EPB41L4A: variants seen among roughly 807,000 people sequenced by gnomAD.
The protein encoded by EPB41L4A is erythrocyte membrane protein band 4.1 like 4A.
Under a neutral mutation model 108.6 loss-of-function variants are expected in EPB41L4A, and 100 were observed. That is an observed-to-expected ratio of 0.92 (90% CI 0.78 to 1.09). The LOEUF (loss-of-function observed/expected upper bound fraction) is 1.09. Ranked by LOEUF, EPB41L4A falls within the 50% of genes least tolerant of loss-of-function variation. The pLI, the probability that EPB41L4A is intolerant of heterozygous loss-of-function variation, is 0.00. For missense variants in EPB41L4A, 1,030 were observed against 842.7 expected (o/e 1.22, Z -2.75); for synonymous variants, 319 against 289.0 (o/e 1.10, Z -1.05).
At chr5:112,314,652 CA>C (rs1234988467) in intron 1 of EPB41L4A, among the ~76,000 whole-genome samples, 4 of 149,040 alleles carry the variant, frequency 2.7e-5, no homozygotes, top group Admixed American at 6.7e-5. Flanking sequence ...ATTAAAAATA[CA>C]AAAACTTAGC....
intron 1 of EPB41L4A, among the ~76,000 whole-genome samples, chr5:112,414,294 G>A (rs1366604200): frequency 5.3e-5 from 8 of 152,108 alleles, no homozygotes; most frequent in Admixed American, 1.3e-4. Flanking sequence ...AAAATAGAAG[G>A]CATCTAAAAG....
chr5:112,386,095 C>T (rs979890357), intron 1 of EPB41L4A, among the ~76,000 whole-genome samples: 7 of 152,200 alleles, frequency 4.6e-5, no homozygotes, highest in African/African-American at 1.7e-4. Flanking sequence ...TGAAGTGATG[C>T]ACTGCATCCT....
chr5:112,186,164 G>T (rs1761418064), intron 17 of EPB41L4A, among the ~76,000 whole-genome samples: 1 of 152,172 alleles, frequency 6.6e-6, no homozygotes, highest in Non-Finnish European at 1.5e-5. Context: ...TCCAGTTGAT[G>T]GGCAGAACGA....
At chr5:112,398,217 T>A (rs1307804813) in intron 1 of EPB41L4A, among the ~76,000 whole-genome samples, 2 of 152,140 alleles carry the variant, frequency 1.3e-5, no homozygotes, top group African/African-American at 4.8e-5. Flanking sequence ...TAAAAAAAAA[T>A]CTTTTTCCAA....
At chr5:112,219,072 CTTTG>C (rs1747855204) in intron 12 of EPB41L4A, among the ~76,000 whole-genome samples, 1 of 152,062 alleles carries the variant, frequency 6.6e-6, no homozygotes. Flanking sequence ...TCTTTTTTCT[CTTTG>C]TGTTTGCATT....
chr5:112,346,788 T>A (rs1693790002), intron 1 of EPB41L4A, among the ~76,000 whole-genome samples: 1 of 152,190 alleles, frequency 6.6e-6, no homozygotes, highest in South Asian at 2.1e-4. Context: ...AGAATTTGCA[T>A]TTCATTATTT....
intron 4 of EPB41L4A, 152 bp downstream of exon 4, chr5:112,275,174 A>G (rs1752538673): frequency 3.2e-6 from 3 of 931,210 alleles, no homozygotes; most frequent in Non-Finnish European, 3.1e-6. Flanking sequence ...ACTTCATGCA[A>G]TGCTAGTTTA....
chr5:112,352,480 A>G (rs1308262537), intron 1 of EPB41L4A, among the ~76,000 whole-genome samples: 3 of 152,184 alleles, frequency 2.0e-5, no homozygotes, highest in African/African-American at 7.2e-5. Context: ...ATATGATATA[A>G]TTGCATTTTT....
intron 1 of EPB41L4A, among the ~76,000 whole-genome samples, chr5:112,326,936 T>C (rs963046407): frequency 1.1e-4 from 16 of 152,156 alleles, no homozygotes; most frequent in African/African-American, 3.9e-4. Flanking sequence ...ACTGATCACC[T>C]ACCAATCACA....
intron 1 of EPB41L4A, among the ~76,000 whole-genome samples, chr5:112,330,693 T>A (rs1756505476): frequency 1.3e-5 from 2 of 152,178 alleles, no homozygotes; most frequent in Admixed American, 1.3e-4. Context: ...GGAACCCATG[T>A]TTGCAACTGT....
chr5:112,196,783 T>A (rs1761984585), intron 15 of EPB41L4A: 1 of 152,264 alleles, frequency 6.6e-6, no homozygotes, highest in South Asian at 2.1e-4. Context: ...TCCATGTTCA[T>A]TAACTTCAAG....
chr5:112,270,133 A>G (rs565339466), intron 4 of EPB41L4A, among the ~76,000 whole-genome samples: 1 of 152,318 alleles, frequency 6.6e-6, no homozygotes, highest in East Asian at 1.9e-4. Context: ...GGGCAGAGAG[A>G]CAGAAGCTCA....
intron 14 of EPB41L4A, 27 bp downstream of exon 14, chr5:112,205,394 C>T (rs1424786858): frequency 6.3e-7 from 1 of 1,589,802 alleles, no homozygotes; most frequent in African/African-American, 1.3e-5. Flanking sequence ...CTACTGTCTC[C>T]TTTATAAAAA....
At chr5:112,231,645 C>T (rs1275713891) in intron 12 of EPB41L4A, among the ~76,000 whole-genome samples, 3 of 150,986 alleles carry the variant, frequency 2.0e-5, no homozygotes, top group Non-Finnish European at 3.0e-5. Context: ...AGTAGCCGGG[C>T]GCGGTGGCGG....
intron 9 of EPB41L4A, among the ~76,000 whole-genome samples, chr5:112,258,464 A>G (rs557716664): frequency 6.6e-6 from 1 of 152,332 alleles, no homozygotes; most frequent in African/African-American, 2.4e-5. Context: ...AGATTCTCCT[A>G]TATCGTGTTT....
intron 9 of EPB41L4A, among the ~76,000 whole-genome samples, chr5:112,255,434 G>A (rs1751013455): frequency 6.6e-6 from 1 of 152,128 alleles, no homozygotes; most frequent in African/African-American, 2.4e-5. Flanking sequence ...ACTTAACAGG[G>A]GAACTGCTGG....
At position 112,352,134 on chromosome 5, in the gene EPB41L4A, C is replaced by T. The variant is rs185062741; in HGVS notation, c.100-44644G>A. Among the ~76,000 whole-genome samples, 488 of 152,234 alleles carry T rather than the reference C, an allele frequency of 3.2e-3. 2 individuals are homozygous for T. The highest frequency in any genetic ancestry group is 0.011 in the African/African-American group (464 of 41,564). On this transcript the variant is annotated intron_variant, in intron 1 of 22. Coordinates refer to ENST00000261486, the MANE Select transcript of EPB41L4A (RefSeq NM_022140.5). ...TATTTTCTAGTCTCAATTTCATTTA[C>T]TTCTGCTCTGATCTTTCTTTCCTTC...
At chr5:112,196,030 C>T (rs1006120171) in intron 15 of EPB41L4A, among the ~76,000 whole-genome samples, 2 of 152,174 alleles carry the variant, frequency 1.3e-5, no homozygotes, top group African/African-American at 4.8e-5. Context: ...CATCATCTCA[C>T]TTGGATGCCC....
chr5:112,196,592 C>T (rs542110128), intron 15 of EPB41L4A: 1 of 152,346 alleles, frequency 6.6e-6, no homozygotes, highest in Admixed American at 6.5e-5. Context: ...CCTAATCCAT[C>T]ATTTCAATAA....
Sources: allele counts gnomAD v4.1 joint callset (sites outside exome capture counted in the v4.1 genomes callset), GRCh38; gene constraint gnomAD v4.1.1; transcripts MANE v1.5; gene names NCBI Gene and HGNC (gene_info 2026-07-23, HGNC 2026-07-21).